Variants in PHLDB3 observed in about 807,000 individuals in gnomAD.
PHLDB3 encodes the protein pleckstrin homology-like domain family B member 3.
PHLDB3 carries 86 observed loss-of-function variants against 85.7 expected under a neutral mutation model. That is an observed-to-expected ratio of 1.00 (90% CI 0.84 to 1.20). The LOEUF (loss-of-function observed/expected upper bound fraction) is 1.20. Ranked by LOEUF, PHLDB3 falls within the 50% of genes most tolerant of loss-of-function variation. The pLI, the probability that PHLDB3 is intolerant of heterozygous loss-of-function variation, is 0.00. For missense variants in PHLDB3, 995 were observed against 873.0 expected (o/e 1.14, Z -1.76); for synonymous variants, 376 against 349.8 (o/e 1.07, Z -0.83).
At chr19:43,499,795 G>A (rs1971545552) in intron 4 of PHLDB3, among the ~76,000 whole-genome samples, 1 of 152,080 alleles carries the variant, frequency 6.6e-6, no homozygotes. Context: ...GTGCAGTGGT[G>A]TGATCTTGGC....
Position 43,495,248 on chromosome 19 carries a change from C to G in PHLDB3, c.1035+8G>C. On this transcript the variant is annotated splice_region_variant and intron_variant, in intron 8 of 15. Coordinates refer to ENST00000292140, the MANE Select transcript of PHLDB3 (RefSeq NM_198850.4). ...GGAGGGACTGAGAGGCATACAAAAT[C>G]CCCATACCTTAGTGAGGGCCGGGTT... The G allele has an allele frequency of 6.2e-7, 1 of 1,612,876 alleles. No homozygotes were observed. Among genetic ancestry groups the G allele is most frequent in the East Asian group, 2.2e-5 (1 of 44,840 alleles).
In PHLDB3 at chr19:43,497,128, G is replaced by T; in HGVS notation, c.815C>A (p.Ala272Glu). The T allele has an allele frequency of 6.5e-7, 1 of 1,532,598 alleles. No individual in the cohort carries two copies. The highest frequency in any genetic ancestry group is 2.5e-5 in the East Asian group (1 of 40,402). 94.9% of individuals were successfully genotyped at this position (1,532,598 alleles called of 1,614,324 possible). ...TCAGGCATGACTCACTCTGTGCTGC[G>T]CCATGCTGGCCTGGAGTTCCTGGAC... The part of the protein sequence containing the change: ...PKVQELQASM[A>E]QHRRGALQHR... Residue 272 changes from alanine to glutamate, a missense_variant, in exon 6 of 16, where the codon GCG (alanine) becomes GAG (glutamate). Coordinates refer to ENST00000292140, the MANE Select transcript of PHLDB3 (RefSeq NM_198850.4).
rs1284617947 is a variant in PHLDB3, at chr19:43,487,652, G to C, written c.1150-529C>G. 2.0e-5 allele frequency among the ~76,000 whole-genome samples: 3 copies of C among 150,970 alleles called. No individual in the cohort carries two copies. In the East Asian group the frequency reaches 5.8e-4, roughly 29 times the overall value. Reference sequence around the variant, plus strand: ...CAAATTAACATAGAAATGGGAAGTAGAATTGTGGTTGCCCGGACTGGGGTA... The same window carrying C: ...CAAATTAACATAGAAATGGGAAGTACAATTGTGGTTGCCCGGACTGGGGTA... On this transcript the variant is annotated intron_variant, in intron 9 of 15. Transcript: ENST00000292140.
chr19:43,497,690 C>A, intron 5 of PHLDB3, 58 bp downstream of exon 5: 1 of 1,520,140 alleles, frequency 6.6e-7, no homozygotes, highest in Non-Finnish European at 8.8e-7. Context: ...CCAGCCTGGG[C>A]AACGAGGCGA....
In PHLDB3 at chr19:43,497,745, T is replaced by C; in HGVS notation, c.663+3A>G. The stretch of plus-strand genomic sequence containing the variant: ...CAAAAAAGAAAGAACCAGATGCCAT[T>C]ACCTCCTGCACACCCTGCAGAAGCC... On this transcript the variant is annotated splice_donor_region_variant and intron_variant, in intron 5 of 15. Coordinates refer to ENST00000292140, the MANE Select transcript of PHLDB3 (RefSeq NM_198850.4). 1 of 1,551,286 alleles carries C rather than the reference T, an allele frequency of 6.4e-7. No homozygotes were observed. The highest frequency in any genetic ancestry group is 8.7e-7 in the Non-Finnish European group (1 of 1,146,932).
In PHLDB3 at chr19:43,504,090, C is replaced by G. The variant is rs2145964701; in HGVS notation, c.29G>C (p.Gly10Ala). Reference protein sequence around the residue: MGTRSSPEEGTPPPLVPECD... With the variant: MGTRSSPEEATPPPLVPECD... The stretch of plus-strand genomic sequence containing the variant: ...TTCCGGGACCAGCGGCGGCGGGGTC[C>G]CCTCCTCGGGGCTGCTTCGCGTCCC... Residue 10 changes from glycine (G) to alanine (A), a missense_variant, in exon 2 of 16, where the codon GGG (glycine) becomes GCG (alanine). Coordinates refer to ENST00000292140, the MANE Select transcript of PHLDB3 (RefSeq NM_198850.4). The G allele has an allele frequency of 6.2e-7, 1 of 1,609,414 alleles. No homozygotes were observed. Among genetic ancestry groups the G allele is most frequent in the Non-Finnish European group, 8.5e-7 (1 of 1,178,200 alleles).
Position 43,475,344 on chromosome 19 carries a change from G to T in PHLDB3, c.*66C>A. 6.3e-7 allele frequency: 1 copy of T among 1,582,200 alleles called. No individual in the cohort carries two copies. Among genetic ancestry groups the T allele is most frequent in the Non-Finnish European group, 8.6e-7 (1 of 1,162,036 alleles). On this transcript the variant is annotated 3_prime_UTR_variant, in exon 16 of 16. Coordinates refer to ENST00000292140, the MANE Select transcript of PHLDB3 (RefSeq NM_198850.4). Reference sequence around the variant, plus strand: ...GTTTTCCGGCAGTGGGCGGGGCCTAGGAACGCCCCCGCGCCCCGCGCCGGC... The same window carrying T: ...GTTTTCCGGCAGTGGGCGGGGCCTATGAACGCCCCCGCGCCCCGCGCCGGC...
Position 43,499,117 on chromosome 19 carries a change from GA to G in PHLDB3, c.535-1242del, listed in dbSNP as rs138885596. 6.6e-3 allele frequency among the ~76,000 whole-genome samples: 1,006 copies of G among 152,210 alleles called. 8 individuals carry two copies. Among genetic ancestry groups the G allele is most frequent in the African/African-American group, 0.023 (973 of 41,532 alleles). ...GGAGTCCTCCAAGCAATGAGGGTGAGACCTAAGCTGGGGCCTGGGCGGTGGG... is the reference window on the plus strand; with the variant it reads ...GGAGTCCTCCAAGCAATGAGGGTGAGCCTAAGCTGGGGCCTGGGCGGTGGG... On this transcript the variant is annotated intron_variant, in intron 4 of 15. Coordinates refer to ENST00000292140, the MANE Select transcript of PHLDB3 (RefSeq NM_198850.4).
Position 43,502,229 on chromosome 19 carries a change from A to T in PHLDB3, c.268T>A (p.Ser90Thr), listed in dbSNP as rs1488417416. 1.9e-6 allele frequency: 3 copies of T among 1,564,312 alleles called. No individual in the cohort carries two copies. Among genetic ancestry groups the T allele is most frequent in the African/African-American group, 1.4e-5 (1 of 73,600 alleles). The change falls in exon 3 of 16, where the codon TCG becomes ACG. Residue 90 changes from serine to threonine, a missense_variant. Ser to Thr is a moderately conservative substitution (Grantham distance 58). Coordinates refer to ENST00000292140, the MANE Select transcript of PHLDB3 (RefSeq NM_198850.4). ...MAATPPASTSSREGVRGAARR... is the reference protein window; with the variant it reads ...MAATPPASTSTREGVRGAARR... ...GCCGCCCCTCGCACCCCTTCCCGCG[A>T]AGAGGTGGATGCGGGAGGTGTGGCC...
chr19:43,493,296 A>AAATG (rs1445019963), intron 9 of PHLDB3, among the ~76,000 whole-genome samples: 1 of 149,610 alleles, frequency 6.7e-6, no homozygotes, highest in Non-Finnish European at 1.5e-5. Flanking sequence ...ATAAATAAAT[A>AAATG]AATAAATAAA....
chr19:43,502,841 C>A (rs889241151), intron 2 of PHLDB3, among the ~76,000 whole-genome samples: 1 of 152,054 alleles, frequency 6.6e-6, no homozygotes, highest in Non-Finnish European at 1.5e-5. Context: ...GCTTGCAGTA[C>A]CGTATGGAGG....
rs745479684 is a variant in PHLDB3, at chr19:43,475,462, C to T, written c.1871G>A (p.Arg624His). ...GGTCACGATGACGTCCATCCAAATG[C>T]GCATGGCTTCGGGGCTCGGAGCCAC... ...YMVAPSPEAM[R>H]IWMDVIVTAA... The change falls in exon 16 of 16, where the codon CGC (arginine) becomes CAC (histidine). Residue 624 changes from arginine to histidine, a missense_variant. Physicochemically the swap from Arg to His is conservative, Grantham distance 29. Transcript: ENST00000292140. 2 of 1,613,972 alleles carry T rather than the reference C, an allele frequency of 1.2e-6. No individual in the cohort carries two copies. Among genetic ancestry groups the T allele is most frequent in the East Asian group, 4.5e-5 (2 of 44,858 alleles).
rs373506906 is a variant in PHLDB3, at chr19:43,497,743, A to C, written c.663+5T>G. On this transcript the variant is annotated splice_donor_5th_base_variant and intron_variant, in intron 5 of 15. Coordinates refer to ENST00000292140, the MANE Select transcript of PHLDB3 (RefSeq NM_198850.4). ...AACAAAAAAGAAAGAACCAGATGCC[A>C]TTACCTCCTGCACACCCTGCAGAAG... The C allele has an allele frequency of 6.4e-7, 1 of 1,551,244 alleles. No homozygotes were observed. The highest frequency in any genetic ancestry group is 1.4e-5 in the African/African-American group (1 of 73,098).
chr19:43,495,425 G>T, intron 7 of PHLDB3, 70 bp downstream of exon 7: 1 of 1,599,030 alleles, frequency 6.3e-7, no homozygotes, highest in Non-Finnish European at 8.5e-7. Context: ...CATCTGGGGT[G>T]CAGGGAGGTG....
At chr19:43,492,332 C>G (rs541030396) in intron 9 of PHLDB3, among the ~76,000 whole-genome samples, 2 of 152,154 alleles carry the variant, frequency 1.3e-5, no homozygotes, top group East Asian at 1.9e-4. Flanking sequence ...AGGGATCCAC[C>G]CACCTCGGCC....
In PHLDB3 at chr19:43,475,151, AAT is replaced by A. The variant is rs1970894556; in HGVS notation, c.*257_*258del. The A allele has an allele frequency of 2.3e-6, 1 of 444,140 alleles. No individual in the cohort carries two copies. Among genetic ancestry groups the A allele is most frequent in the Admixed American group, 3.8e-5 (1 of 26,054 alleles). The allele number at this position is 444,140 out of a possible 1,614,324, so 27.5% of individuals were successfully genotyped here. On this transcript the variant is annotated 3_prime_UTR_variant, in exon 16 of 16. Transcript: ENST00000292140. Reference sequence around the variant, plus strand: ...ATTCGGTATCACAGGAGCACCAATAAATAGTTTCTTCCCGCCCCTGCAATCTT... The same window carrying A: ...ATTCGGTATCACAGGAGCACCAATAAAGTTTCTTCCCGCCCCTGCAATCTT...
chr19:43,478,008 C>A, intron 15 of PHLDB3, 39 bp downstream of exon 15: 1 of 1,539,266 alleles, frequency 6.5e-7, no homozygotes, highest in South Asian at 1.1e-5. Context: ...CCAACTGAGT[C>A]TCCAACTGGG....
chr19:43,480,851 C>T (rs994470707), intron 13 of PHLDB3, among the ~76,000 whole-genome samples: 11 of 152,220 alleles, frequency 7.2e-5, no homozygotes, highest in African/African-American at 2.6e-4. Flanking sequence ...GATGGTCATA[C>T]AGGTTGGGGA....
rs189536193 is a variant in PHLDB3, at chr19:43,500,240, G to A, written c.534+1494C>T. 2.5e-3 allele frequency among the ~76,000 whole-genome samples: 383 copies of A among 151,312 alleles called. 6 individuals are homozygous for A. The highest frequency in any genetic ancestry group is 8.4e-3 in the African/African-American group (348 of 41,308). On this transcript the variant is annotated intron_variant, in intron 4 of 15. Coordinates refer to ENST00000292140, the MANE Select transcript of PHLDB3 (RefSeq NM_198850.4). The stretch of plus-strand genomic sequence containing the variant: ...GGCAACAAGAGCGAAACTGTGTCTC[G>A]CAAAAAAAAAGAGACTAGGGTGATC...
Sources: allele counts gnomAD v4.1 joint callset (sites outside exome capture counted in the v4.1 genomes callset), GRCh38; gene constraint gnomAD v4.1.1; transcripts MANE v1.5; gene names NCBI Gene and HGNC (gene_info 2026-07-23, HGNC 2026-07-21).